The following MRPL42 variants were observed in gnomAD, a reference collection of about 807,000 sequenced individuals.
The protein encoded by MRPL42 is large ribosomal subunit protein mL42.
In MRPL42, 17 loss-of-function variants were observed where a neutral mutation model predicts 17.9. The ratio of observed to expected loss-of-function variants is 0.95; its 90% CI spans 0.65 to 1.42. The LOEUF is 1.42. Among genes scored for constraint, MRPL42 ranks in the 40% most tolerant of loss-of-function variants. The pLI is 0.00. For synonymous variants in MRPL42, 59 were observed against 54.4 expected, an observed-to-expected ratio of 1.08 and a Z score of -0.37; for missense variants, 177 against 175.2, an observed-to-expected ratio of 1.01 and a Z score of -0.06.
chr12:93,488,061 C>T (rs1953341441), intron 5 of MRPL42, among the ~76,000 whole-genome samples: 1 of 152,110 alleles, frequency 6.6e-6, no homozygotes, highest in Non-Finnish European at 1.5e-5. Context: ...ACCTCCACCT[C>T]CCAGGTTCAA....
At chr12:93,479,360 T>C in intron 3 of MRPL42, 28 bp from the exon 4 acceptor site, 1 of 1,543,300 alleles carries the variant, frequency 6.5e-7, no homozygotes, top group Non-Finnish European at 8.8e-7. Flanking sequence ...ACAGTATAAC[T>C]TTATTTCTAA....
chr12:93,489,304 C>G (rs1182707925), intron 5 of MRPL42, among the ~76,000 whole-genome samples: 1 of 152,078 alleles, frequency 6.6e-6, no homozygotes, highest in East Asian at 1.9e-4. Context: ...GGGGAAATTA[C>G]TAATAGGTTG....
chr12:93,477,735 T>C (rs1880252102), intron 3 of MRPL42, among the ~76,000 whole-genome samples: 1 of 152,110 alleles, frequency 6.6e-6, no homozygotes, highest in South Asian at 2.1e-4. Flanking sequence ...TGATCTTGGC[T>C]CACTGCAACC....
chr12:93,489,456 G>C (rs954454707), intron 5 of MRPL42, among the ~76,000 whole-genome samples: 25 of 151,688 alleles, frequency 1.6e-4, no homozygotes, highest in African/African-American at 5.3e-4. Flanking sequence ...TTGATTTTTT[G>C]GGGGGGCAGG....
chr12:93,470,013 GC>G (rs890336275), intron 2 of MRPL42, among the ~76,000 whole-genome samples: 1 of 149,356 alleles, frequency 6.7e-6, no homozygotes, highest in Non-Finnish European at 1.5e-5. Flanking sequence ...TGGCTCTGTC[GC>G]CCAGGCTGGA....
chr12:93,504,906 T>G lies in MRPL42; in HGVS notation c.*3685T>G, dbSNP rs1284938465. ...CTGTCTGACTACGTGTATCACTGTT[T>G]CTACCGCCTAACATTGCCTAGCACA... On this transcript the variant is annotated 3_prime_UTR_variant, in exon 6 of 6. Coordinates refer to ENST00000549982, the MANE Select transcript of MRPL42 (RefSeq NM_014050.4). 4 of 152,246 alleles carry G rather than the reference T, an allele frequency of 2.6e-5. No homozygotes were observed. The highest frequency in any genetic ancestry group is 4.4e-5 in the Non-Finnish European group (3 of 68,050). 9.4% of individuals were successfully genotyped at this position (152,246 alleles called of 1,614,324 possible). A position where few individuals can be genotyped will look rare whatever the true frequency, so the allele number is the denominator to read the frequency against.
chr12:93,482,783 A>G (rs1880521484), intron 4 of MRPL42, among the ~76,000 whole-genome samples: 1 of 152,142 alleles, frequency 6.6e-6, no homozygotes, highest in Non-Finnish European at 1.5e-5. Context: ...ACAGGGTCTC[A>G]CTATGTTGTC....
rs1362579397 is a variant in MRPL42, at chr12:93,502,687, A to T, written c.*1466A>T. 6.6e-6 allele frequency: 1 copy of T among 152,202 alleles called. No homozygotes were observed. Among genetic ancestry groups the T allele is most frequent in the Non-Finnish European group, 1.5e-5 (1 of 68,030 alleles). The allele number at this position is 152,202 out of a possible 1,614,324, so 9.4% of individuals were successfully genotyped here. On this transcript the variant is annotated 3_prime_UTR_variant, in exon 6 of 6. Transcript: ENST00000549982. ...TTTGTCGATGGTGTATTCTTGAAAAATGTTTGGTTTTCTTTCAGGTTGACT... is the reference window on the plus strand; with the variant it reads ...TTTGTCGATGGTGTATTCTTGAAAATTGTTTGGTTTTCTTTCAGGTTGACT...
chr12:93,485,000 A>ATATATATG, intron 4 of MRPL42, among the ~76,000 whole-genome samples: 1 of 73,532 alleles, frequency 1.4e-5, no homozygotes. Context: ...ATATATATAT[A>ATATATATG]TATATATATA....
At chr12:93,497,917 G>C (rs993697109) in intron 5 of MRPL42, among the ~76,000 whole-genome samples, 2 of 146,796 alleles carry the variant, frequency 1.4e-5, no homozygotes, top group Admixed American at 1.4e-4. Context: ...CTGCTCTCAT[G>C]CCCTACTGTC....
At chr12:93,492,243 G>A (rs946712672) in intron 5 of MRPL42, among the ~76,000 whole-genome samples, 12 of 152,156 alleles carry the variant, frequency 7.9e-5, no homozygotes, top group African/African-American at 2.9e-4. Context: ...CCAATAGTAT[G>A]TAAGCATTTG....
intron 2 of MRPL42, among the ~76,000 whole-genome samples, chr12:93,469,587 A>G (rs1879802409): frequency 6.6e-6 from 1 of 151,774 alleles, no homozygotes; most frequent in African/African-American, 2.4e-5. Flanking sequence ...GCTTGAGGCC[A>G]GGGGTTTGAG....
At chr12:93,472,669 C>T (rs1003910474) in intron 2 of MRPL42, among the ~76,000 whole-genome samples, 3 of 151,952 alleles carry the variant, frequency 2.0e-5, no homozygotes, top group Admixed American at 6.6e-5. Flanking sequence ...GGAGGCAAAG[C>T]GAAATCATGA....
chr12:93,497,634 CA>C (rs1341274497), intron 5 of MRPL42, among the ~76,000 whole-genome samples: 21 of 151,660 alleles, frequency 1.4e-4, no homozygotes, highest in African/African-American at 5.1e-4. Context: ...ACTGAACAAG[CA>C]AAAGCTGAGA....
rs369559455 is a variant in MRPL42 at position 93,487,775 on chromosome 12, G to A, written c.383+115G>A. ...TTTTGCATGAGGAAATTAACCCTAAGTAGAATCACCTACTATGTTGTACTT... is the reference window on the plus strand; with the variant it reads ...TTTTGCATGAGGAAATTAACCCTAAATAGAATCACCTACTATGTTGTACTT... On this transcript the variant is annotated intron_variant, in intron 5 of 5. Coordinates refer to ENST00000549982, the MANE Select transcript of MRPL42 (RefSeq NM_014050.4). 45 of 950,280 alleles carry A rather than the reference G, an allele frequency of 4.7e-5. 1 individual carries two copies. In the East Asian group the frequency reaches 1.1e-3, roughly 24 times the overall value. 58.9% of individuals were successfully genotyped at this position (950,280 alleles called of 1,614,324 possible).
Position 93,502,805 on chromosome 12 carries a change from G to T in MRPL42, c.*1584G>T, listed in dbSNP as rs796488812. 6.6e-6 allele frequency: 1 copy of T among 152,144 alleles called. No homozygotes were observed. Among genetic ancestry groups the T allele is most frequent in the Non-Finnish European group, 1.5e-5 (1 of 68,020 alleles). 9.4% of individuals were successfully genotyped at this position (152,144 alleles called of 1,614,324 possible). ...GATTATGAAGATTTTCTTCTCTTCC[G>T]AGTACAAAGCTCTGCTAAATAAGGA... On this transcript the variant is annotated 3_prime_UTR_variant, in exon 6 of 6. Transcript: ENST00000549982.
At position 93,501,890 on chromosome 12, in the gene MRPL42, TGATATTTTAATCA is replaced by T. The variant is rs879314537; in HGVS notation, c.*671_*683del. ...GGCTTCTAGGAAATAATTAAATTAG[TGATATTTTAATCA>T]GGTTTTACTATCTGCTAGGCCCCTT... On this transcript the variant is annotated 3_prime_UTR_variant, in exon 6 of 6. Coordinates refer to ENST00000549982, the MANE Select transcript of MRPL42 (RefSeq NM_014050.4). 4 of 115,262 alleles carry T rather than the reference TGATATTTTAATCA, an allele frequency of 3.5e-5. No homozygotes were observed. The highest frequency in any genetic ancestry group is 3.1e-4 in the East Asian group (1 of 3,216). 7.1% of individuals were successfully genotyped at this position (115,262 alleles called of 1,614,324 possible).
Position 93,503,893 on chromosome 12 carries a change from T to C in MRPL42, c.*2672T>C, listed in dbSNP as rs1350441322. On this transcript the variant is annotated 3_prime_UTR_variant, in exon 6 of 6. Coordinates refer to ENST00000549982, the MANE Select transcript of MRPL42 (RefSeq NM_014050.4). ...TGTCATAATTTAATTAACTCCCTGCTGTTAGACAAAATCATTGTTTCTGTT... is the reference window on the plus strand; with the variant it reads ...TGTCATAATTTAATTAACTCCCTGCCGTTAGACAAAATCATTGTTTCTGTT... 1 of 152,126 alleles carries C rather than the reference T, an allele frequency of 6.6e-6. No homozygotes were observed. The highest frequency in any genetic ancestry group is 1.5e-5 in the Non-Finnish European group (1 of 68,020). The allele number at this position is 152,126 out of a possible 1,614,324, so 9.4% of individuals were successfully genotyped here. A position where few individuals can be genotyped will look rare whatever the true frequency, so the allele number is the denominator to read the frequency against.
intron 2 of MRPL42, chr12:93,470,649 T>A: frequency 1.1e-6 from 1 of 885,900 alleles, no homozygotes; most frequent in Non-Finnish European, 1.5e-6. Context: ...CAGTGTTTAT[T>A]GTTCCCATCT....
Sources: gnomAD v4.1 joint callset for allele counts (sites outside exome capture counted in the v4.1 genomes callset) on GRCh38, gnomAD v4.1.1 for gene constraint, MANE v1.5 for transcripts, NCBI Gene and HGNC (gene_info 2026-07-23, HGNC 2026-07-21) for gene names.